Variants in ZNF718 observed in about 807,000 individuals in gnomAD.
ZNF718 encodes zinc finger protein 718.
In ZNF718, 3 loss-of-function variants were observed where a neutral mutation model predicts 2.6. The observed-to-expected ratio is 1.16, with a 90% CI of 0.53 to 3.01. The LOEUF is 3.01. Among genes scored for constraint, ZNF718 ranks in the 30% most tolerant of loss-of-function variants. ZNF718 has a pLI of 0.03. For synonymous variants in ZNF718, 135 were observed against 77.9 expected (o/e 1.73, Z -3.86); for missense variants, 468 against 230.0 (o/e 2.03, Z -6.69).
intron 1 of ZNF718, 195 bp downstream of exon 1, chr4:124,868 G>C (rs1191404975): frequency 3.2e-6 from 2 of 632,136 alleles, no homozygotes; most frequent in Non-Finnish European, 2.7e-6. Context: ...TCCTTGTGCA[G>C]CTCTGCGCCG....
intron 3 of ZNF718, among the ~76,000 whole-genome samples, chr4:172,386 C>T (rs782557549): frequency 6.6e-6 from 1 of 152,196 alleles, no homozygotes; most frequent in Non-Finnish European, 1.5e-5. Context: ...TTGAAAAACT[C>T]ATGTAATGAA....
At position 169,875 on chromosome 4, in the gene ZNF718, T is replaced by C. The variant is rs533224400; in HGVS notation, c.227-31206T>C. Among the ~76,000 whole-genome samples the C allele has an allele frequency of 3.7e-3, 570 of 152,114 alleles. 19 individuals carry two copies. The highest frequency in any genetic ancestry group is 0.035 in the Admixed American group (528 of 15,252). On this transcript the variant is annotated intron_variant and NMD_transcript_variant, in intron 3 of 4. Transcript: ENST00000642529. Reference sequence around the variant, plus strand: ...TAAGGTTAATATTGTTATGTGTGAATTTGATCCTGTCATTATGATGTTAGC... The same window carrying C: ...TAAGGTTAATATTGTTATGTGTGAACTTGATCCTGTCATTATGATGTTAGC...
intron 3 of ZNF718, among the ~76,000 whole-genome samples, chr4:171,024 G>C (rs1002158496): frequency 1.8e-4 from 27 of 152,078 alleles, no homozygotes; most frequent in Non-Finnish European, 2.9e-5. Flanking sequence ...ATGGGGTTTT[G>C]GTGTGGATGT....
At chr4:146,834 T>C (rs575067325) in intron 3 of ZNF718, among the ~76,000 whole-genome samples, 121 of 152,132 alleles carry the variant, frequency 8.0e-4, no homozygotes, top group African/African-American at 2.8e-3. Context: ...TCAGTTCTAC[T>C]ATTTTTACTT....
chr4:131,538 A>T, intron 3 of ZNF718, 33 bp downstream of exon 3: 1 of 376,848 alleles, frequency 2.7e-6, no homozygotes. Context: ...GAGGACACAG[A>T]CAAGGAGGCC....
At chr4:145,026 A>G (rs1715988269) in intron 3 of ZNF718, among the ~76,000 whole-genome samples, 1 of 151,562 alleles carries the variant, frequency 6.6e-6, no homozygotes, top group South Asian at 2.1e-4. Flanking sequence ...ATTCTTTTTC[A>G]TCTTCGAACC....
chr4:196,088 C>T (rs1162040319), intron 3 of ZNF718, among the ~76,000 whole-genome samples: 6 of 152,016 alleles, frequency 3.9e-5, no homozygotes, highest in Non-Finnish European at 7.4e-5. Flanking sequence ...TCGCCTTCAA[C>T]CTGATCTATT....
chr4:141,155 G>A (rs891848572), intron 3 of ZNF718, among the ~76,000 whole-genome samples: 6 of 148,920 alleles, frequency 4.0e-5, no homozygotes, highest in Admixed American at 1.4e-4. Context: ...TATACCAAAT[G>A]TACCAGAAAG....
intron 3 of ZNF718, among the ~76,000 whole-genome samples, chr4:198,415 C>T (rs1717834831): frequency 6.6e-6 from 1 of 152,160 alleles, no homozygotes; most frequent in Non-Finnish European, 1.5e-5. Flanking sequence ...AGTGCCTGGG[C>T]CCACAAGTTC....
intron 3 of ZNF718, among the ~76,000 whole-genome samples, chr4:184,741 G>A (rs1560131341): frequency 6.6e-6 from 1 of 152,122 alleles, no homozygotes; most frequent in East Asian, 1.9e-4. Flanking sequence ...TCAGTCTTGG[G>A]AGGGTTGTGT....
chr4:152,195 G>A (rs1177783539), intron 3 of ZNF718, among the ~76,000 whole-genome samples: 1 of 145,610 alleles, frequency 6.9e-6, no homozygotes, highest in African/African-American at 2.5e-5. Flanking sequence ...ACATTCCATT[G>A]CCCAGGGACA....
intron 3 of ZNF718, among the ~76,000 whole-genome samples, chr4:134,848 G>C (rs1438571453): frequency 1.3e-5 from 2 of 152,012 alleles, no homozygotes; most frequent in Non-Finnish European, 2.9e-5. Flanking sequence ...CACTTTCAGA[G>C]GCCAAGGCTG....
chr4:171,757 C>T (rs1717239529), intron 3 of ZNF718, among the ~76,000 whole-genome samples: 1 of 152,190 alleles, frequency 6.6e-6, no homozygotes, highest in Non-Finnish European at 1.5e-5. Context: ...CTTTCTTTGA[C>T]TAGGAAAGGG....
At chr4:153,542 G>A (rs1716430451) in intron 3 of ZNF718, among the ~76,000 whole-genome samples, 1 of 147,682 alleles carries the variant, frequency 6.8e-6, no homozygotes, top group African/African-American at 2.5e-5. Context: ...CAATTCATGA[G>A]CATAAAAATC....
At chr4:197,977 T>A (rs538417589) in intron 3 of ZNF718, among the ~76,000 whole-genome samples, 1 of 152,020 alleles carries the variant, frequency 6.6e-6, no homozygotes, top group Non-Finnish European at 1.5e-5. Context: ...AAAATGAGAA[T>A]GAGGAGATGA....
At chr4:168,931 T>C (rs1717160482), downstream of ZNF718, among the ~76,000 whole-genome samples, 1 of 152,188 alleles carries the variant, frequency 6.6e-6, no homozygotes, top group South Asian at 2.1e-4. Context: ...TCTAGTTCTT[T>C]TAATTGTGAT....
intron 1 of ZNF718, among the ~76,000 whole-genome samples, chr4:126,038 T>G (rs1255224033): frequency 1.3e-5 from 2 of 152,246 alleles, no homozygotes; most frequent in Non-Finnish European, 2.9e-5. Flanking sequence ...GGCCTGTACC[T>G]GTAGCACAAA....
intron 3 of ZNF718, among the ~76,000 whole-genome samples, chr4:140,850 T>G (rs1024653611): frequency 4.6e-5 from 7 of 152,252 alleles, no homozygotes; most frequent in Non-Finnish European, 8.8e-5. Flanking sequence ...TTCATGTGAC[T>G]TAAAGTATAA....
In ZNF718 at chr4:161,178, TA is replaced by T; in HGVS notation, c.494del (p.Tyr165LeufsTer22). On this transcript the variant is annotated frameshift_variant, in exon 4 of 4. Coordinates refer to ENST00000510175, the MANE Select transcript of ZNF718 (RefSeq NM_001039127.6). LOFTEE classifies it low-confidence loss of function (END_TRUNC). ...FSNSNKDKIR[Y>X]TGDKTFKCKE... Reference sequence around the variant, plus strand: ...AAATTCAAACAAAGATAAGATAAGATATACTGGAGATAAAACCTTTAAATGT... The same window carrying T: ...AAATTCAAACAAAGATAAGATAAGATTACTGGAGATAAAACCTTTAAATGT... 1.3e-6 allele frequency: 1 copy of T among 767,184 alleles called. No homozygotes were observed. 47.5% of individuals were successfully genotyped at this position (767,184 alleles called of 1,614,324 possible).
Sources: allele counts gnomAD v4.1 joint callset (sites outside exome capture counted in the v4.1 genomes callset), GRCh38; gene constraint gnomAD v4.1.1; transcripts MANE v1.5; gene names NCBI Gene and HGNC (gene_info 2026-07-23, HGNC 2026-07-21).